The following SMYD1 variants were observed in gnomAD, a reference collection of about 807,000 sequenced individuals.
SMYD1 encodes the protein SET and MYND domain containing 1.
A neutral mutation model predicts 54.0 loss-of-function variants in SMYD1; 49 were observed. That is an observed-to-expected ratio of 0.91 (90% CI 0.72 to 1.15). The LOEUF (loss-of-function observed/expected upper bound fraction) is 1.15. Among genes scored for constraint, SMYD1 ranks in the 50% most tolerant of loss-of-function variants. SMYD1 has a pLI of 0.00. For missense variants in SMYD1, 653 were observed against 639.6 expected, an observed-to-expected ratio of 1.02 and a Z score of -0.23; for synonymous variants, 269 against 234.2, an observed-to-expected ratio of 1.15 and a Z score of -1.36.
rs781407994 is a variant in SMYD1, at chr2:88,096,594, G to A, written c.699-1G>A. 3 of 1,609,168 alleles carry A rather than the reference G, an allele frequency of 1.9e-6. No homozygotes were observed. The highest frequency in any genetic ancestry group is 2.5e-6 in the Non-Finnish European group (3 of 1,177,224). On this transcript the variant is annotated splice_acceptor_variant, in intron 5 of 9. Transcript: ENST00000419482. LOFTEE classifies it high-confidence loss of function. ...CACCTTTTCCTTTCACCCTGCTTCA[G>A]AATTGAGCTCCGGGCCCTAGGCAAG...
intron 6 of SMYD1, 92 bp downstream of exon 6, chr2:88,096,876 A>G (rs1674602272): frequency 7.6e-7 from 1 of 1,312,122 alleles, no homozygotes; most frequent in South Asian, 1.4e-5. Flanking sequence ...TGCCCTGCCC[A>G]TGAGCTTCCT....
chr2:88,109,179 G>A (rs933795889), intron 9 of SMYD1, among the ~76,000 whole-genome samples: 2 of 152,184 alleles, frequency 1.3e-5, no homozygotes, highest in Admixed American at 6.5e-5. Flanking sequence ...CGAGCTAATG[G>A]CAAAGCTAAG....
intron 1 of SMYD1, among the ~76,000 whole-genome samples, chr2:88,070,576 T>C (rs1422859384): frequency 1.3e-5 from 2 of 152,098 alleles, no homozygotes; most frequent in African/African-American, 4.8e-5. Context: ...ATGTTACATC[T>C]TCTCTATCCT....
chr2:88,087,884 C>A lies in SMYD1; in HGVS notation c.337C>A (p.Arg113=), dbSNP rs1542088. 794,242 of 1,592,976 alleles carry A rather than the reference C, an allele frequency of 0.5. 207,679 individuals carry two copies. The highest frequency in any genetic ancestry group is 0.91 in the East Asian group (40,541 of 44,578). Reference sequence around the variant, plus strand: ...CAGGCTGGCGGCGCGCATCATGTGGCGGGTGGAGAGAGAAGGCACCGGGCT... The same window carrying A: ...CAGGCTGGCGGCGCGCATCATGTGGAGGGTGGAGAGAGAAGGCACCGGGCT... ...NIRLAARIMW[R]VEREGTGLTE... The change falls in exon 3 of 10, where the codon CGG becomes AGG. Residue 113 remains arginine, a synonymous_variant. Coordinates refer to ENST00000419482, the MANE Select transcript of SMYD1 (RefSeq NM_198274.4).
rs1441729507 is a variant in SMYD1, at chr2:88,091,075, T to C, written c.592T>C (p.Phe198Leu). ...RGLQAVGVGI[F>L]PNLGLVNHDC... ...CCTGCAGGCCGTGGGCGTAGGCATC[T>C]TCCCCAACCTGGGCCTGGTGAACCA... The change falls in exon 4 of 10, where the codon TTC becomes CTC. Residue 198 changes from phenylalanine to leucine, a missense_variant. Transcript: ENST00000419482. The C allele has an allele frequency of 1.1e-5, 18 of 1,614,070 alleles. No individual in the cohort carries two copies. The highest frequency in any genetic ancestry group is 3.3e-4 in the Middle Eastern group (2 of 6,084).
At chr2:88,101,896 G>A (rs866727722) in intron 6 of SMYD1, among the ~76,000 whole-genome samples, 7 of 152,196 alleles carry the variant, frequency 4.6e-5, no homozygotes, top group Non-Finnish European at 7.3e-5. Context: ...GTGAGCCATC[G>A]TGCTGGGCTG....
chr2:88,102,966 G>A, intron 6 of SMYD1, 92 bp from the exon 7 acceptor site: 1 of 940,400 alleles, frequency 1.1e-6, no homozygotes. Context: ...TTAACCTTGT[G>A]CTACATTGAA....
At chr2:88,074,910 TGGGAATGGCAGGATCAGCC>T (rs1386631346) in intron 1 of SMYD1, among the ~76,000 whole-genome samples, 1 of 152,138 alleles carries the variant, frequency 6.6e-6, no homozygotes, top group Non-Finnish European at 1.5e-5. Context: ...TGTGAGCATG[TGGGAATGGCAGGATCAGCC>T]CTGGCAGACA....
chr2:88,074,323 C>T (rs999630900), intron 1 of SMYD1, among the ~76,000 whole-genome samples: 2 of 152,214 alleles, frequency 1.3e-5, no homozygotes, highest in African/African-American at 2.4e-5. Flanking sequence ...GCCCACATTC[C>T]TTGGCTCATG....
At chr2:88,085,966 G>A (rs1674314182) in intron 2 of SMYD1, among the ~76,000 whole-genome samples, 1 of 152,182 alleles carries the variant, frequency 6.6e-6, no homozygotes, top group African/African-American at 2.4e-5. Context: ...TGGTTAAAAT[G>A]GTTCAAAAAG....
rs1474705478 is a variant in SMYD1 at position 88,067,889 on chromosome 2, G to A, written c.25G>A (p.Val9Met). MTIGRMEN[V>M]EVFTAEGKGR... ...GATGACAATAGGGAGAATGGAGAACGTGGAGGTCTTCACCGCTGAGGGCAA... is the reference window on the plus strand; with the variant it reads ...GATGACAATAGGGAGAATGGAGAACATGGAGGTCTTCACCGCTGAGGGCAA... Residue 9 changes from valine (V) to methionine (M), a missense_variant, in exon 1 of 10, where the codon GTG becomes ATG. By Grantham distance (21) the Val-to-Met change is conservative. Coordinates refer to ENST00000419482, the MANE Select transcript of SMYD1 (RefSeq NM_198274.4). 2 of 1,614,072 alleles carry A rather than the reference G, an allele frequency of 1.2e-6. No individual in the cohort carries two copies. The highest frequency in any genetic ancestry group is 1.1e-5 in the South Asian group (1 of 91,078).
intron 1 of SMYD1, among the ~76,000 whole-genome samples, chr2:88,074,057 G>A (rs1674005285): frequency 6.6e-6 from 1 of 152,150 alleles, no homozygotes. Context: ...AAGAAGATGG[G>A]GTTTCACTAT....
At chr2:88,096,002 A>G (rs997085800) in intron 5 of SMYD1, among the ~76,000 whole-genome samples, 7 of 152,240 alleles carry the variant, frequency 4.6e-5, no homozygotes, top group African/African-American at 1.4e-4. Context: ...TGAACAATGC[A>G]GTAAGCTAAC....
At chr2:88,083,825 G>C (rs1338569709) in intron 1 of SMYD1, among the ~76,000 whole-genome samples, 1 of 152,190 alleles carries the variant, frequency 6.6e-6, no homozygotes, top group Non-Finnish European at 1.5e-5. Flanking sequence ...GGCCAGGCGC[G>C]GTGGCTCATG....
At chr2:88,105,022 C>T (rs1378313907) in intron 7 of SMYD1, among the ~76,000 whole-genome samples, 1 of 152,220 alleles carries the variant, frequency 6.6e-6, no homozygotes, top group Non-Finnish European at 1.5e-5. Context: ...ACTCACTGAG[C>T]CTCAGAACCA....
chr2:88,105,546 A>G (rs561309942), intron 7 of SMYD1, among the ~76,000 whole-genome samples: 8 of 152,310 alleles, frequency 5.3e-5, no homozygotes, highest in African/African-American at 9.6e-5. Flanking sequence ...GATTACTTAT[A>G]ACACCTAATA....
intron 1 of SMYD1, among the ~76,000 whole-genome samples, chr2:88,068,515 C>G (rs1673879568): frequency 6.6e-6 from 1 of 152,086 alleles, no homozygotes; most frequent in African/African-American, 2.4e-5. Context: ...AGATATTACC[C>G]CTGCTATTAT....
Position 88,095,292 on chromosome 2 carries a change from C to T in SMYD1, c.699-1303C>T, listed in dbSNP as rs190722202. Among the ~76,000 whole-genome samples, 3 of 152,312 alleles carry T rather than the reference C, an allele frequency of 2.0e-5. No individual in the cohort carries two copies. In the East Asian group the frequency reaches 5.8e-4, roughly 29 times the overall value. ...AAGGAAAGGAGGGACAAATGGTGAG[C>T]AGGCACTTCAGTTTTGCAGGCTCCA... On this transcript the variant is annotated intron_variant, in intron 5 of 9. Coordinates refer to ENST00000419482, the MANE Select transcript of SMYD1 (RefSeq NM_198274.4).
intron 6 of SMYD1, among the ~76,000 whole-genome samples, chr2:88,099,040 A>G (rs1288813921): frequency 1.3e-5 from 2 of 152,162 alleles, no homozygotes; most frequent in Non-Finnish European, 2.9e-5. Context: ...GTCTTTGTTT[A>G]GGCTGCTTAG....
Sources: allele counts gnomAD v4.1 joint callset (sites outside exome capture counted in the v4.1 genomes callset), GRCh38; gene constraint gnomAD v4.1.1; transcripts MANE v1.5; gene names NCBI Gene and HGNC (gene_info 2026-07-23, HGNC 2026-07-21).